The following PDGFA variants were observed in gnomAD, a reference collection of about 807,000 sequenced individuals.
PDGFA encodes platelet derived growth factor subunit A, also known as platelet-derived growth factor subunit A.
PDGFA carries 9 observed loss-of-function variants against 25.6 expected under a neutral mutation model. The ratio of observed to expected loss-of-function variants is 0.35; its 90% CI spans 0.21 to 0.61. The LOEUF is 0.61. Among genes scored for constraint, PDGFA ranks in the 20% least tolerant of loss-of-function variants. PDGFA has a pLI of 0.75. For missense variants in PDGFA, 242 were observed against 272.8 expected (o/e 0.89, Z 0.79); for synonymous variants, 133 against 111.8 (o/e 1.19, Z -1.20).
chr7:507,418 G>A (rs1386488196), intron 4 of PDGFA, among the ~76,000 whole-genome samples: 2 of 152,192 alleles, frequency 1.3e-5, no homozygotes, highest in Non-Finnish European at 2.9e-5. Flanking sequence ...GCGGGGAACT[G>A]GCCCTCACCC....
chr7:520,012 C>CGCG (rs780764047), upstream of PDGFA: 47 of 380,590 alleles, frequency 1.2e-4, no homozygotes, highest in Non-Finnish European at 2.1e-4. Context: ...GCGCCGCCGC[C>CGCG]GCGGCAGGGA....
chr7:505,461 A>G (rs777837965), intron 4 of PDGFA, among the ~76,000 whole-genome samples: 15 of 152,220 alleles, frequency 9.9e-5, no homozygotes, highest in Non-Finnish European at 2.1e-4. Context: ...CCCTACTGCT[A>G]CAAAGCCCAG....
intron 4 of PDGFA, among the ~76,000 whole-genome samples, chr7:501,573 C>G (rs1049804829): frequency 7.2e-5 from 11 of 152,072 alleles, no homozygotes; most frequent in African/African-American, 2.7e-4. Flanking sequence ...GGCCACCATG[C>G]CCAGCTAATT....
chr7:497,299 A>T (rs1315291164), exon 6 of PDGFA: 1 of 152,120 alleles, frequency 6.6e-6, no homozygotes, highest in Non-Finnish European at 1.5e-5. Flanking sequence ...GGATCAACAA[A>T]AAAAGAACAT....
chr7:503,559 G>A (rs1242152495), intron 4 of PDGFA, among the ~76,000 whole-genome samples: 1 of 152,158 alleles, frequency 6.6e-6, no homozygotes, highest in African/African-American at 2.4e-5. Context: ...CAACCTTCTT[G>A]GGGGGAAGGG....
At chr7:511,336 T>TGGCGG (rs763034276) in intron 3 of PDGFA, among the ~76,000 whole-genome samples, 32 of 73,910 alleles carry the variant, frequency 4.3e-4, no homozygotes, top group Admixed American at 1.5e-3. Context: ...AGACTGGGGG[T>TGGCGG]GGGGAGAGGG....
At position 500,615 on chromosome 7, in the gene PDGFA, C is replaced by A; in HGVS notation, c.580+501G>T. On this transcript the variant is annotated intron_variant, in intron 5 of 5. Coordinates refer to ENST00000402802, the Ensembl canonical transcript of PDGFA. This position sits in a 1 kb window ranked among gnomAD's most constrained non-coding sequence, Gnocchi z 5.0. Reference sequence around the variant, plus strand: ...TCTTTCCAGAAGAGAAGGCCAGCACCCTGGCACCGAGAAACTTCTGAGTCC... The same window carrying A: ...TCTTTCCAGAAGAGAAGGCCAGCACACTGGCACCGAGAAACTTCTGAGTCC... The A allele has an allele frequency of 3.3e-6, 5 of 1,530,158 alleles. No individual in the cohort carries two copies. Among genetic ancestry groups the A allele is most frequent in the Non-Finnish European group, 4.4e-6 (5 of 1,143,436 alleles). The allele number at this position is 1,530,158 out of a possible 1,614,324, so 94.8% of individuals were successfully genotyped here. A position where few individuals can be genotyped will look rare whatever the true frequency, so the allele number is the denominator to read the frequency against.
rs536212993 is a variant in PDGFA, at chr7:500,721, G to C, written c.580+395C>G. On this transcript the variant is annotated intron_variant, in intron 5 of 5. Transcript: ENST00000402802. The surrounding 1 kb of genome is among the most constrained non-coding windows in gnomAD (Gnocchi z 5.0). ...GTGGAGTCCGCGTGGCGGGGTGAAGGAGAGACCCCAGCCAGCCAGGGCAAC... is the reference window on the plus strand; with the variant it reads ...GTGGAGTCCGCGTGGCGGGGTGAAGCAGAGACCCCAGCCAGCCAGGGCAAC... 10 of 1,440,226 alleles carry C rather than the reference G, an allele frequency of 6.9e-6. No individual in the cohort carries two copies. In the East Asian group the frequency reaches 2.5e-4, roughly 36 times the overall value. The allele number at this position is 1,440,226 out of a possible 1,614,324, so 89.2% of individuals were successfully genotyped here. A position where few individuals can be genotyped will look rare whatever the true frequency, so the allele number is the denominator to read the frequency against.
intron 4 of PDGFA, among the ~76,000 whole-genome samples, chr7:510,407 G>A (rs929769468): frequency 1.3e-5 from 2 of 151,454 alleles, no homozygotes; most frequent in East Asian, 3.9e-4. Flanking sequence ...TCAGGCCTGC[G>A]TGGGGCAGGG....
intron 4 of PDGFA, among the ~76,000 whole-genome samples, chr7:505,195 T>C (rs961142723): frequency 1.3e-5 from 2 of 152,056 alleles, no homozygotes; most frequent in Non-Finnish European, 2.9e-5. Context: ...GACTACAATG[T>C]CCTCAGGACC....
At chr7:504,728 A>G (rs1782486803) in intron 4 of PDGFA, among the ~76,000 whole-genome samples, 2 of 152,206 alleles carry the variant, frequency 1.3e-5, no homozygotes, top group African/African-American at 4.8e-5. Flanking sequence ...GACCCTCCGG[A>G]TGGCACAGCC....
exon 1 of PDGFA, chr7:519,103 A>T (rs1562495308): frequency 3.5e-6 from 3 of 848,232 alleles, no homozygotes; most frequent in Non-Finnish European, 5.2e-6. Flanking sequence ...TCCCTTAGGG[A>T]GCGCGGCCCG....
At position 500,110 on chromosome 7, in the gene PDGFA, G is replaced by A. The variant is rs1057130900; in HGVS notation, c.580+1006C>T. Among the ~76,000 whole-genome samples the A allele has an allele frequency of 2.6e-5, 4 of 152,268 alleles. No homozygotes were observed. The highest frequency in any genetic ancestry group is 1.9e-4 in the East Asian group (1 of 5,180). On this transcript the variant is annotated intron_variant, in intron 5 of 5. Transcript: ENST00000402802. The surrounding 1 kb of genome is among the most constrained non-coding windows in gnomAD (Gnocchi z 5.0). ...GTGGGTGATCCCAGAGTGGCCAGGC[G>A]CTCAGAGCTGCCCCACCGCTGCTCA...
rs563526690 is a variant in PDGFA, at chr7:508,515, G to A, written c.453+2294C>T. On this transcript the variant is annotated intron_variant, in intron 4 of 5. Coordinates refer to ENST00000402802, the Ensembl canonical transcript of PDGFA. ...TCCGAGGCTGCAGCAAACCATGATCGCACCACCACACTCCAGCCTGGGCAA... is the reference window on the plus strand; with the variant it reads ...TCCGAGGCTGCAGCAAACCATGATCACACCACCACACTCCAGCCTGGGCAA... 1.3e-3 allele frequency among the ~76,000 whole-genome samples: 160 copies of A among 123,056 alleles called. 1 individual carries two copies. The highest frequency in any genetic ancestry group is 4.8e-3 in the African/African-American group (153 of 31,802). The allele number at this position is 123,056 out of a possible 152,430, so 80.7% of individuals were successfully genotyped here. A position where few individuals can be genotyped will look rare whatever the true frequency, so the allele number is the denominator to read the frequency against.
intron 4 of PDGFA, among the ~76,000 whole-genome samples, chr7:504,058 G>A (rs927533318): frequency 3.3e-5 from 5 of 152,150 alleles, no homozygotes; most frequent in Non-Finnish European, 4.4e-5. Context: ...TCTGTAAAAC[G>A]GAGACCAATC....
Position 517,370 on chromosome 7 carries a change from G to C in PDGFA, c.160+24C>G. The C allele has an allele frequency of 4.0e-6, 5 of 1,241,630 alleles. No individual in the cohort carries two copies. Among genetic ancestry groups the C allele is most frequent in the Non-Finnish European group, 2.1e-6 (2 of 944,144 alleles). The allele number at this position is 1,241,630 out of a possible 1,614,324, so 76.9% of individuals were successfully genotyped here. The stretch of plus-strand genomic sequence containing the variant: ...CCGCCCGCCCGCGCCCTCCCCGCGC[G>C]CGGAGGGAAGGGGCGCGATTTACCT... On this transcript the variant is annotated intron_variant, in intron 2 of 5. Transcript: ENST00000402802. The surrounding 1 kb of genome is among the most constrained non-coding windows in gnomAD (Gnocchi z 7.4).
chr7:500,861 C>T lies in PDGFA; in HGVS notation c.580+255G>A. Reference sequence around the variant, plus strand: ...ATTGGGTGTCTTATGCACTCCCAGCCCCTCTCAGTGAGACCTGAATCTCCT... The same window carrying T: ...ATTGGGTGTCTTATGCACTCCCAGCTCCTCTCAGTGAGACCTGAATCTCCT... On this transcript the variant is annotated intron_variant, in intron 5 of 5. Coordinates refer to ENST00000402802, the Ensembl canonical transcript of PDGFA. The surrounding 1 kb of genome is among the most constrained non-coding windows in gnomAD (Gnocchi z 5.0). 1 of 1,543,388 alleles carries T rather than the reference C, an allele frequency of 6.5e-7. No individual in the cohort carries two copies. The highest frequency in any genetic ancestry group is 8.7e-7 in the Non-Finnish European group (1 of 1,150,016).
At chr7:518,868 G>A (rs1014613308) in intron 1 of PDGFA, 71 bp downstream of exon 1, 76 of 1,043,478 alleles carry the variant, frequency 7.3e-5, no homozygotes, top group Non-Finnish European at 9.8e-5. Context: ...CAGAGCCCGT[G>A]GCGCCCCAGC....
exon 6 of PDGFA, chr7:498,383 G>T: frequency 1.7e-6 from 1 of 605,686 alleles, no homozygotes. Flanking sequence ...TACAATACTT[G>T]CTTTGATGTC....
Sources: allele counts gnomAD v4.1 joint callset (sites outside exome capture counted in the v4.1 genomes callset), GRCh38; gene constraint gnomAD v4.1.1; non-coding constraint Gnocchi (gnomAD v3.1); transcripts MANE v1.5; gene names NCBI Gene and HGNC (gene_info 2026-07-23, HGNC 2026-07-21).